Variants in STIM1 observed in about 807,000 individuals in gnomAD.
The protein encoded by STIM1 is stromal interaction molecule 1.
STIM1 carries 25 observed loss-of-function variants against 74.7 expected under a neutral mutation model. The observed-to-expected ratio is 0.33, with a 90% CI of 0.24 to 0.47. STIM1 has a LOEUF of 0.47. Ranked by LOEUF, STIM1 falls within the 20% of genes least tolerant of loss-of-function variation. STIM1 has a pLI of 1.00. For missense variants in STIM1, 728 were observed against 920.8 expected (o/e 0.79, Z 2.71); for synonymous variants, 328 against 348.8 (o/e 0.94, Z 0.66).
chr11:3,871,384 C>T (rs570728915), intron 1 of STIM1, among the ~76,000 whole-genome samples: 9 of 152,166 alleles, frequency 5.9e-5, no homozygotes, highest in South Asian at 2.1e-4. Context: ...CTTATCTGGT[C>T]GTCTCTTTGG....
rs115030732 is a variant in STIM1 at position 4,069,640 on chromosome 11, G to A, written c.614-386G>A. ...CCAGTCATCTCCATTTACCTACTGTGGAACTTTAGAATTGCTTACCCTGTA... is the reference window on the plus strand; with the variant it reads ...CCAGTCATCTCCATTTACCTACTGTAGAACTTTAGAATTGCTTACCCTGTA... On this transcript the variant is annotated intron_variant, in intron 5 of 12. Coordinates refer to ENST00000526596, the MANE Select transcript of STIM1 (RefSeq NM_001382567.1). Among the ~76,000 whole-genome samples, 516 of 152,248 alleles carry A rather than the reference G, an allele frequency of 3.4e-3. 2 individuals are homozygous for A. The highest frequency in any genetic ancestry group is 0.012 in the African/African-American group (481 of 41,540).
intron 7 of STIM1, among the ~76,000 whole-genome samples, chr11:4,079,627 A>G (rs2094454979): frequency 6.6e-6 from 1 of 152,150 alleles, no homozygotes; most frequent in African/African-American, 2.4e-5. Flanking sequence ...TGTTAACACA[A>G]CATATTTTCT....
At chr11:4,034,583 T>C (rs1274720573) in intron 3 of STIM1, among the ~76,000 whole-genome samples, 1 of 152,206 alleles carries the variant, frequency 6.6e-6, no homozygotes, top group Non-Finnish European at 1.5e-5. Flanking sequence ...TACTGGTTTG[T>C]AGCTTTCTTA....
chr11:3,880,044 C>T (rs1167777413), intron 1 of STIM1, among the ~76,000 whole-genome samples: 2 of 152,164 alleles, frequency 1.3e-5, no homozygotes, highest in Non-Finnish European at 2.9e-5. Context: ...ATGTGTGGTG[C>T]TGGGCACTTT....
intron 2 of STIM1, among the ~76,000 whole-genome samples, chr11:3,985,815 A>G (rs1368936675): frequency 1.3e-5 from 2 of 152,162 alleles, no homozygotes; most frequent in Non-Finnish European, 2.9e-5. Flanking sequence ...GTTTGACTAT[A>G]TATGTATTTT....
intron 1 of STIM1, chr11:3,961,279 C>A: frequency 4.4e-6 from 1 of 229,658 alleles, no homozygotes; most frequent in South Asian, 7.0e-5. Context: ...GCCACTGTAC[C>A]TGGCCCTGCA....
At chr11:3,910,227 C>T (rs1366047533) in intron 1 of STIM1, among the ~76,000 whole-genome samples, 1 of 152,186 alleles carries the variant, frequency 6.6e-6, no homozygotes, top group Admixed American at 6.5e-5. Context: ...TAGACATGGT[C>T]AAATTTCCTC....
chr11:4,044,959 A>G (rs898556416), intron 3 of STIM1, among the ~76,000 whole-genome samples: 10 of 152,168 alleles, frequency 6.6e-5, no homozygotes, highest in Non-Finnish European at 1.2e-4. Context: ...TGCAATGCAC[A>G]GGACAGCCTC....
At chr11:4,015,663 T>C (rs150121983) in intron 2 of STIM1, among the ~76,000 whole-genome samples, 22 of 152,336 alleles carry the variant, frequency 1.4e-4, no homozygotes, top group African/African-American at 4.6e-4. Context: ...GCATTCTCCC[T>C]GTCACTTTCA....
Position 4,091,900 on chromosome 11 carries a change from T to C in STIM1, c.*102T>C, listed in dbSNP as rs201649544. On this transcript the variant is annotated 3_prime_UTR_variant, in exon 13 of 13. Coordinates refer to ENST00000526596, the MANE Select transcript of STIM1 (RefSeq NM_001382567.1). ...GATAACTGGCCCCAAGAGTGGGGCA[T>C]GGGAAGGGCTGGTCCAGGGGTCTGG... The C allele has an allele frequency of 7.0e-5, 104 of 1,483,116 alleles. 1 individual carries two copies. In the South Asian group the frequency reaches 1.2e-3, roughly 17 times the overall value. 91.9% of individuals were successfully genotyped at this position (1,483,116 alleles called of 1,614,324 possible).
chr11:4,048,534 C>G (rs779324073), intron 3 of STIM1, among the ~76,000 whole-genome samples: 10 of 152,048 alleles, frequency 6.6e-5, no homozygotes, highest in Non-Finnish European at 1.5e-4. Flanking sequence ...ACTCATTCCT[C>G]CCACCATTTT....
In STIM1 at chr11:3,988,685, C is replaced by T. The variant is rs529956156; in HGVS notation, c.270+21003C>T. On this transcript the variant is annotated intron_variant, in intron 2 of 12. Coordinates refer to ENST00000526596, the MANE Select transcript of STIM1 (RefSeq NM_001382567.1). ...AGGACTACCACAACCAAAGATGTTA[C>T]AGAGTACACACAATTCTGACAGGGA... is the stretch of plus-strand genomic sequence containing the variant. Among the ~76,000 whole-genome samples, 6 of 152,246 alleles carry T rather than the reference C, an allele frequency of 3.9e-5. 1 individual carries two copies. Among genetic ancestry groups the T allele is most frequent in the Admixed American group, 3.9e-4 (6 of 15,288 alleles).
chr11:3,921,510 C>T (rs983461931), intron 1 of STIM1, among the ~76,000 whole-genome samples: 1 of 152,174 alleles, frequency 6.6e-6, no homozygotes, highest in African/African-American at 2.4e-5. Context: ...ATCATGCTAA[C>T]CAGACAGCAT....
intron 1 of STIM1, among the ~76,000 whole-genome samples, chr11:3,871,469 G>T (rs1014007860): frequency 6.6e-6 from 1 of 152,092 alleles, no homozygotes; most frequent in African/African-American, 2.4e-5. Context: ...TAGGTAGTAG[G>T]GCTGTGGTTA....
At chr11:3,955,301 G>A (rs948543338) in intron 1 of STIM1, among the ~76,000 whole-genome samples, 5 of 152,174 alleles carry the variant, frequency 3.3e-5, no homozygotes, top group African/African-American at 1.2e-4. Flanking sequence ...TGGGGTGGTG[G>A]TTACACAGGG....
intron 1 of STIM1, among the ~76,000 whole-genome samples, chr11:3,925,834 C>A (rs2092781411): frequency 6.6e-6 from 1 of 152,102 alleles, no homozygotes; most frequent in African/African-American, 2.4e-5. Context: ...AACTGTCTGG[C>A]CCTTTACATG....
At chr11:3,881,793 C>T (rs940058647) in intron 1 of STIM1, among the ~76,000 whole-genome samples, 2 of 152,070 alleles carry the variant, frequency 1.3e-5, no homozygotes, top group African/African-American at 2.4e-5. Context: ...AAGTGATTCT[C>T]CTGCCTGTAG....
At chr11:3,881,218 T>C (rs1043695214) in intron 1 of STIM1, among the ~76,000 whole-genome samples, 9 of 152,032 alleles carry the variant, frequency 5.9e-5, no homozygotes, top group Admixed American at 5.9e-4. Flanking sequence ...AGGAAATCCA[T>C]ACCTGTTAAG....
chr11:3,909,190 A>G (rs922597704), intron 1 of STIM1, among the ~76,000 whole-genome samples: 1 of 152,190 alleles, frequency 6.6e-6, no homozygotes, highest in Non-Finnish European at 1.5e-5. Flanking sequence ...GGCCAAGGCC[A>G]GAGCTGATCT....
Sources: allele counts gnomAD v4.1 joint callset (sites outside exome capture counted in the v4.1 genomes callset), GRCh38; gene constraint gnomAD v4.1.1; transcripts MANE v1.5; gene names NCBI Gene and HGNC (gene_info 2026-07-23, HGNC 2026-07-21).